Variants in REV3L observed in about 807,000 individuals in gnomAD.
REV3L encodes REV3 like, DNA directed polymerase zeta catalytic subunit, also known as DNA polymerase zeta catalytic subunit.
A neutral mutation model predicts 299.4 loss-of-function variants in REV3L; 69 were observed. The ratio of observed to expected loss-of-function variants is 0.23; its 90% confidence interval spans 0.19 to 0.28. The LOEUF is 0.28. Ranked by LOEUF, REV3L falls within the 10% of genes least tolerant of loss-of-function variation. The pLI is 1.00. For missense variants in REV3L, 3,128 were observed against 3,693.8 expected (o/e 0.85, Z 3.97); for synonymous variants, 1,238 against 1,271.4 (o/e 0.97, Z 0.56).
At chr6:111,363,502 G>T (rs1024287681) in intron 16 of REV3L, among the ~76,000 whole-genome samples, 2 of 151,866 alleles carry the variant, frequency 1.3e-5, no homozygotes, top group African/African-American at 4.8e-5. Flanking sequence ...TAGAGACAGG[G>T]TCTTCCTATG....
chr6:111,392,721 G>T, intron 5 of REV3L, 155 bp downstream of exon 5: 3 of 514,134 alleles, frequency 5.8e-6, no homozygotes, highest in Non-Finnish European at 3.5e-6. Flanking sequence ...TTTATTCCTT[G>T]TAATACACTA....
At chr6:111,340,171 A>G (rs1340730199) in intron 21 of REV3L, among the ~76,000 whole-genome samples, 1 of 152,190 alleles carries the variant, frequency 6.6e-6, no homozygotes, top group Non-Finnish European at 1.5e-5. Context: ...GACTGGCTCT[A>G]TACTCAGCAA....
intron 1 of REV3L, chr6:111,430,796 T>G: frequency 6.2e-7 from 1 of 1,608,012 alleles, no homozygotes; most frequent in Non-Finnish European, 8.5e-7. Context: ...CGTGAAGGAA[T>G]CTGGAGGAAA....
chr6:111,408,112 C>A (rs756408348), intron 3 of REV3L, among the ~76,000 whole-genome samples: 2 of 152,098 alleles, frequency 1.3e-5, no homozygotes, highest in Non-Finnish European at 2.9e-5. Context: ...GAATAGCCGA[C>A]AGATGGAAGC....
chr6:111,411,578 C>T (rs765713034), intron 2 of REV3L, 24 bp from the exon 3 acceptor site: 3 of 1,411,584 alleles, frequency 2.1e-6, no homozygotes, highest in Non-Finnish European at 2.9e-6. Context: ...AAAAAAATTT[C>T]AAATTATTTT....
intron 20 of REV3L, among the ~76,000 whole-genome samples, chr6:111,344,864 G>C (rs910231444): frequency 6.6e-6 from 1 of 152,130 alleles, no homozygotes; most frequent in Non-Finnish European, 1.5e-5. Flanking sequence ...CCACTCCTGT[G>C]ATCCAGGAGG....
chr6:111,324,561 A>T (rs414763), intron 25 of REV3L, among the ~76,000 whole-genome samples: 130,022 of 152,190 alleles, frequency 0.85, 55,707 homozygotes, highest in African/African-American at 0.91. Flanking sequence ...TATATACTCG[A>T]ACATATACAT....
rs1780058581 is a variant in REV3L, at chr6:111,374,066, A to G, written c.4289T>C (p.Val1430Ala). The G allele has an allele frequency of 1.2e-6, 2 of 1,614,048 alleles. No homozygotes were observed. Among genetic ancestry groups the G allele is most frequent in the Non-Finnish European group, 8.5e-7 (1 of 1,179,988 alleles). ...LHCKDSQQQI[V>A]CIAEQSKHSE... Reference sequence around the variant, plus strand: ...GTGCTTTGACTGTTCCGCTATGCACACAATCTGCTGCTGACTGTCTTTGCA... The same window carrying G: ...GTGCTTTGACTGTTCCGCTATGCACGCAATCTGCTGCTGACTGTCTTTGCA... The change falls in exon 13 of 32, where the codon GTG becomes GCG. Residue 1430 changes from valine to alanine, a missense_variant. By Grantham distance (64) the Val-to-Ala change is moderately conservative. Coordinates refer to ENST00000368802, the MANE Select transcript of REV3L (RefSeq NM_001372078.1).
chr6:111,438,736 G>T (rs986130076), intron 1 of REV3L, among the ~76,000 whole-genome samples: 2 of 152,090 alleles, frequency 1.3e-5, no homozygotes, highest in African/African-American at 2.4e-5. Context: ...TAATTATTTA[G>T]AGTCCTGGGT....
At chr6:111,455,174 A>G (rs1013658094) in intron 1 of REV3L, among the ~76,000 whole-genome samples, 6 of 152,182 alleles carry the variant, frequency 3.9e-5, no homozygotes, top group African/African-American at 1.2e-4. Context: ...GACTAAGGGT[A>G]GTTGGGAGAG....
intron 1 of REV3L, among the ~76,000 whole-genome samples, chr6:111,480,367 A>T (rs1583156795): frequency 6.6e-6 from 1 of 152,322 alleles, no homozygotes; most frequent in East Asian, 1.9e-4. Flanking sequence ...TGTCTTCATT[A>T]AAAATTCTAG....
intron 1 of REV3L, among the ~76,000 whole-genome samples, chr6:111,466,983 T>C (rs895548313): frequency 6.6e-5 from 10 of 152,328 alleles, no homozygotes; most frequent in African/African-American, 2.2e-4. Context: ...AAGATGTTAG[T>C]AATAAAGCAG....
intron 1 of REV3L, chr6:111,472,157 A>G: frequency 7.1e-6 from 9 of 1,265,380 alleles, no homozygotes; most frequent in Non-Finnish European, 9.3e-6. Flanking sequence ...TGAAATTTAG[A>G]TTAGTCATTT....
At chr6:111,465,072 GTTATTT>G (rs1791279568) in intron 1 of REV3L, among the ~76,000 whole-genome samples, 1 of 146,144 alleles carries the variant, frequency 6.8e-6, no homozygotes, top group African/African-American at 2.5e-5. Flanking sequence ...GTAAAATAAA[GTTATTT>G]TTATTTGTTT....
intron 21 of REV3L, among the ~76,000 whole-genome samples, chr6:111,336,062 CAA>C (rs5879103): frequency 7.0e-6 from 1 of 143,858 alleles, no homozygotes; most frequent in Non-Finnish European, 1.5e-5. Flanking sequence ...ATGTTCATGG[CAA>C]AAAAAAAAGA....
At chr6:111,366,526 G>T (rs1033823336) in intron 14 of REV3L, among the ~76,000 whole-genome samples, 2 of 152,134 alleles carry the variant, frequency 1.3e-5, no homozygotes, top group African/African-American at 4.8e-5. Flanking sequence ...AAGTGGAGAA[G>T]CTCCAAGAAG....
chr6:111,381,489 T>C, intron 9 of REV3L, 45 bp from the exon 10 acceptor site: 1 of 1,528,818 alleles, frequency 6.5e-7, no homozygotes, highest in Non-Finnish European at 8.9e-7. Flanking sequence ...ATGGCCTAAA[T>C]CCAAAATTTA....
intron 15 of REV3L, 140 bp downstream of exon 15, chr6:111,365,125 C>A: frequency 1.9e-6 from 1 of 533,656 alleles, no homozygotes. Flanking sequence ...TTTTTGTTGT[C>A]TCAAAGATAT....
chr6:111,314,024 T>C (rs751155571), intron 27 of REV3L, among the ~76,000 whole-genome samples: 1 of 152,242 alleles, frequency 6.6e-6, no homozygotes, highest in Non-Finnish European at 1.5e-5. Context: ...TATTCTCATC[T>C]TGCTTTCCGT....
Sources: allele counts gnomAD v4.1 joint callset (sites outside exome capture counted in the v4.1 genomes callset), GRCh38; gene constraint gnomAD v4.1.1; transcripts MANE v1.5; gene names NCBI Gene and HGNC (gene_info 2026-07-23, HGNC 2026-07-21).